Variants in CHSY3 observed in about 807,000 individuals in gnomAD.
CHSY3 encodes the protein chondroitin sulfate synthase 3, also known as N-acetylgalactosaminyl-proteoglycan 3-beta-glucuronosyltransferase 3.
CHSY3 carries 35 observed loss-of-function variants against 67.2 expected under a neutral mutation model. That is an observed-to-expected ratio of 0.52 (90% CI 0.40 to 0.69). The LOEUF is 0.69. Among genes scored for constraint, CHSY3 ranks in the 30% least tolerant of loss-of-function variants. The pLI is 0.00. For synonymous variants in CHSY3, 474 were observed against 434.7 expected (o/e 1.09, Z -1.12); for missense variants, 1,069 against 1,138.5 (o/e 0.94, Z 0.88).
chr5:130,061,090 C>A (rs1580695670), intron 2 of CHSY3, among the ~76,000 whole-genome samples: 1 of 151,932 alleles, frequency 6.6e-6, no homozygotes, highest in South Asian at 2.1e-4. Flanking sequence ...CCAGAAAAGA[C>A]CCTGAATAGC....
intron 2 of CHSY3, among the ~76,000 whole-genome samples, chr5:130,094,297 G>A (rs923538567): frequency 3.3e-5 from 5 of 151,904 alleles, no homozygotes; most frequent in South Asian, 2.1e-4. Context: ...AAAAATCTAC[G>A]GTGTAATTTT....
intron 2 of CHSY3, among the ~76,000 whole-genome samples, chr5:130,168,193 A>AACGCC (rs1298860107): frequency 2.6e-5 from 4 of 152,150 alleles, no homozygotes; most frequent in African/African-American, 9.6e-5. Flanking sequence ...GCAGCTGGCA[A>AACGCC]ACGCCTTCAT....
chr5:130,154,853 A>G (rs1769326527), intron 2 of CHSY3, among the ~76,000 whole-genome samples: 1 of 152,210 alleles, frequency 6.6e-6, no homozygotes, highest in Non-Finnish European at 1.5e-5. Flanking sequence ...GTAGAGTGTT[A>G]GATAGAGACT....
At chr5:130,103,881 A>G (rs6858978) in intron 2 of CHSY3, among the ~76,000 whole-genome samples, 82,581 of 151,648 alleles carry the variant, frequency 0.54, 23,140 homozygotes, top group East Asian at 0.68. Context: ...TTCTTGAACT[A>G]GTGACCATAC....
intron 2 of CHSY3, among the ~76,000 whole-genome samples, chr5:129,933,928 A>C (rs547196860): frequency 2.0e-5 from 3 of 152,280 alleles, no homozygotes; most frequent in African/African-American, 7.2e-5. Flanking sequence ...CTTGATGTTC[A>C]TGTGAAATGG....
At chr5:129,952,936 A>G (rs1193008019) in intron 2 of CHSY3, among the ~76,000 whole-genome samples, 2 of 152,216 alleles carry the variant, frequency 1.3e-5, no homozygotes, top group Admixed American at 1.3e-4. Context: ...AGACTTCAGT[A>G]CACGAACAAA....
intron 2 of CHSY3, chr5:130,141,397 T>C: frequency 2.7e-6 from 1 of 373,420 alleles, no homozygotes; most frequent in Non-Finnish European, 5.4e-6. Flanking sequence ...TTGTCAAGTT[T>C]GAACTCACAG....
chr5:129,921,006 G>T (rs1042306010), intron 2 of CHSY3, among the ~76,000 whole-genome samples: 1 of 152,026 alleles, frequency 6.6e-6, no homozygotes, highest in African/African-American at 2.4e-5. Context: ...TTTTTGTAGT[G>T]ACGTGGTTTT....
intron 2 of CHSY3, among the ~76,000 whole-genome samples, chr5:130,115,925 G>A (rs1363908783): frequency 1.3e-5 from 2 of 152,122 alleles, no homozygotes; most frequent in Non-Finnish European, 2.9e-5. Context: ...AGCTCACGTC[G>A]ACCTCCTTCT....
chr5:130,108,073 TA>T (rs1481074922), intron 2 of CHSY3, among the ~76,000 whole-genome samples: 1 of 151,648 alleles, frequency 6.6e-6, no homozygotes, highest in Non-Finnish European at 1.5e-5. Context: ...CTTTCATATA[TA>T]TTTTTAATTG....
In CHSY3 at chr5:130,081,236, G is replaced by A. The variant is rs1401094786; in HGVS notation, c.1087-102993G>A. On this transcript the variant is annotated intron_variant, in intron 2 of 2. Transcript: ENST00000305031. ...TCTTCCTTGTTGGATCTGGACTTCA[G>A]TCAGATAAAGGGGCTTCAAGAGAAC... 5.9e-5 allele frequency among the ~76,000 whole-genome samples: 9 copies of A among 151,846 alleles called. No homozygotes were observed. In the South Asian group the frequency reaches 1.7e-3, roughly 28 times the overall value.
chr5:130,001,837 C>G (rs1427074465), intron 2 of CHSY3: 1 of 864,198 alleles, frequency 1.2e-6, no homozygotes, highest in Admixed American at 6.2e-5. Context: ...CTGTAACTGA[C>G]ATTCAGAAAT....
chr5:130,170,655 T>G (rs61440333), intron 2 of CHSY3, among the ~76,000 whole-genome samples: 10,767 of 152,182 alleles, frequency 0.071, 644 homozygotes, highest in East Asian at 0.25. Flanking sequence ...CATGTTGTTT[T>G]TTGACTTTTT....
At position 130,185,134 on chromosome 5, in the gene CHSY3, C is replaced by T; in HGVS notation, c.1992C>T (p.Gly664=). ...TTATCCTTTTCAGTAGGGATTCTGGCCAAGACTCCAGCAAGCATATTGAGC... is the reference window on the plus strand; with the variant it reads ...TTATCCTTTTCAGTAGGGATTCTGGTCAAGACTCCAGCAAGCATATTGAGC... ...LVIILFSRDS[G]QDSSKHIELI... The change falls in exon 3 of 3, where the codon GGC becomes GGT. Residue 664 remains glycine (G), a synonymous_variant. Coordinates refer to ENST00000305031, the MANE Select transcript of CHSY3 (RefSeq NM_175856.5). 6.3e-7 allele frequency: 1 copy of T among 1,598,766 alleles called. No individual in the cohort carries two copies. The highest frequency in any genetic ancestry group is 8.6e-7 in the Non-Finnish European group (1 of 1,166,162).
chr5:130,032,285 A>T (rs898181626), intron 2 of CHSY3, among the ~76,000 whole-genome samples: 12 of 152,182 alleles, frequency 7.9e-5, no homozygotes, highest in African/African-American at 2.9e-4. Context: ...TATTTCCCTC[A>T]TAAATTAGTT....
chr5:130,093,414 A>T (rs1766943206), intron 2 of CHSY3, among the ~76,000 whole-genome samples: 1 of 152,220 alleles, frequency 6.6e-6, no homozygotes, highest in East Asian at 1.9e-4. Context: ...AAGAAACTAT[A>T]TATGTTTGGT....
chr5:130,059,765 A>C lies in CHSY3; in HGVS notation c.1087-124464A>C, dbSNP rs528169130. 5.9e-5 allele frequency among the ~76,000 whole-genome samples: 9 copies of C among 152,282 alleles called. No homozygotes were observed. The East Asian group carries it at 1.5e-3, about 26-fold the overall frequency. ...GTACCACAGTACATTACCAAGTTTC[A>C]AAAGGTATCATATACTTTTCAAAAG... On this transcript the variant is annotated intron_variant, in intron 2 of 2. Transcript: ENST00000305031.
At chr5:130,060,681 C>T (rs756276391) in intron 2 of CHSY3, among the ~76,000 whole-genome samples, 1 of 152,144 alleles carries the variant, frequency 6.6e-6, no homozygotes, top group Non-Finnish European at 1.5e-5. Flanking sequence ...CTCCAAAAGA[C>T]TCCTAGACTT....
chr5:129,911,901 A>G (rs1045690659), intron 2 of CHSY3, among the ~76,000 whole-genome samples: 29 of 152,072 alleles, frequency 1.9e-4, no homozygotes, highest in Non-Finnish European at 3.7e-4. Flanking sequence ...CTAAAAATAC[A>G]AAAAATTAGC....
Sources: gnomAD v4.1 joint callset for allele counts (sites outside exome capture counted in the v4.1 genomes callset) on GRCh38, gnomAD v4.1.1 for gene constraint, MANE v1.5 for transcripts, NCBI Gene and HGNC (gene_info 2026-07-23, HGNC 2026-07-21) for gene names.